The following DDX60 variants were observed in gnomAD, a reference collection of about 807,000 sequenced individuals.
The protein encoded by DDX60 is DExD/H-box helicase 60.
A neutral mutation model predicts 212.8 loss-of-function variants in DDX60; 165 were observed. The observed-to-expected ratio is 0.78, with a 90% confidence interval of 0.68 to 0.88. DDX60 has a LOEUF of 0.88. Among genes scored for constraint, DDX60 ranks in the 40% least tolerant of loss-of-function variants. DDX60 has a pLI of 0.00. For synonymous variants in DDX60, 703 were observed against 685.3 expected, an observed-to-expected ratio of 1.03 and a Z score of -0.40; for missense variants, 1,905 against 2,003.9, an observed-to-expected ratio of 0.95 and a Z score of 0.94.
In DDX60 at chr4:168,262,052, T is replaced by C; in HGVS notation, c.3221A>G (p.Glu1074Gly). The change falls in exon 24 of 38, where the codon GAG becomes GGG. Residue 1074 changes from glutamate to glycine, a missense_variant. Physicochemically the swap from Glu to Gly is moderately conservative, Grantham distance 98. Transcript: ENST00000393743. ...IKKMDARKYE[E>G]SLKAELTSWI... ...ACTTGTTAATTCTGCCTTTAGACTC[T>C]CTTCATATTTCCTAGCATCCATCTT... 6.2e-7 allele frequency: 1 copy of C among 1,603,492 alleles called. No individual in the cohort carries two copies. Among genetic ancestry groups the C allele is most frequent in the South Asian group, 1.1e-5 (1 of 88,032 alleles).
At chr4:168,292,523 A>C (rs1030150878) in intron 7 of DDX60, among the ~76,000 whole-genome samples, 1 of 152,214 alleles carries the variant, frequency 6.6e-6, no homozygotes, top group Admixed American at 6.5e-5. Flanking sequence ...GAGCTGATCG[A>C]GCAACTAATA....
intron 19 of DDX60, 32 bp downstream of exon 19, chr4:168,272,011 G>A (rs1450051337): frequency 6.8e-7 from 1 of 1,471,896 alleles, no homozygotes; most frequent in South Asian, 1.2e-5. Context: ...TGTGCACTAG[G>A]GAATTAAGCA....
rs778036194 is a variant in DDX60, at chr4:168,260,864, CA to C, written c.3398del (p.Leu1133TyrfsTer4). On this transcript the variant is annotated frameshift_variant and splice_region_variant, in exon 25 of 38. Coordinates refer to ENST00000393743, the MANE Select transcript of DDX60 (RefSeq NM_017631.6). LOFTEE classifies it high-confidence loss of function. ...KMEKLPALFF[L>X]FKLGAVENAA... The stretch of plus-strand genomic sequence containing the variant: ...AAACCAAATTAAATTAAATAACTTA[CA>C]AAAAAAATAGTGCAGGTAACTTCTC... 113 of 1,592,802 alleles carry C rather than the reference CA, an allele frequency of 7.1e-5. No homozygotes were observed. The highest frequency in any genetic ancestry group is 1.1e-4 in the South Asian group (10 of 88,820).
chr4:168,311,544 T>C (rs1275942985), intron 1 of DDX60, among the ~76,000 whole-genome samples, 179 bp from the exon 2 acceptor site: 2 of 152,106 alleles, frequency 1.3e-5, no homozygotes, highest in African/African-American at 2.4e-5. Flanking sequence ...CAATGGAACA[T>C]TGCAAAAACG....
intron 30 of DDX60, among the ~76,000 whole-genome samples, chr4:168,245,689 C>CA (rs1283249181): frequency 6.6e-6 from 1 of 152,010 alleles, no homozygotes; most frequent in Admixed American, 6.6e-5. Context: ...AATCACTATA[C>CA]AAAAACAGAA....
chr4:168,217,708 G>A (rs1732898532), intron 37 of DDX60, among the ~76,000 whole-genome samples: 1 of 152,136 alleles, frequency 6.6e-6, no homozygotes, highest in Admixed American at 6.6e-5. Context: ...AGGCAGGAGA[G>A]AGTCAGAATG....
chr4:168,316,297 A>T (rs1174737398), intron 1 of DDX60, among the ~76,000 whole-genome samples: 1 of 152,186 alleles, frequency 6.6e-6, no homozygotes, highest in Non-Finnish European at 1.5e-5. Context: ...TAATTTTGTC[A>T]CTGCTGTTTA....
chr4:168,263,768 C>G (rs980003702), intron 22 of DDX60: 4 of 152,122 alleles, frequency 2.6e-5, no homozygotes, highest in Non-Finnish European at 5.9e-5. Flanking sequence ...GACTTCCCAG[C>G]CTCCAGAATT....
chr4:168,315,244 A>C (rs1394496389), intron 1 of DDX60, among the ~76,000 whole-genome samples: 1 of 152,252 alleles, frequency 6.6e-6, no homozygotes, highest in Non-Finnish European at 1.5e-5. Context: ...ACACAGAATT[A>C]ATTAAAATAA....
At position 168,283,473 on chromosome 4, in the gene DDX60, A is replaced by G. The variant is rs199933852; in HGVS notation, c.1695T>C (p.Phe565=). 6.2e-6 allele frequency: 10 copies of G among 1,613,474 alleles called. No individual in the cohort carries two copies. The East Asian group carries it at 2.2e-4, about 36-fold the overall frequency. Residue 565 remains phenylalanine, a synonymous_variant, in exon 13 of 38, where the codon TTT becomes TTC. Transcript: ENST00000393743. ...VTQTIKSKKD[F]SGPKSKKAHE... is the part of the protein sequence containing the mutation. The stretch of plus-strand genomic sequence containing the variant: ...GTGCCTTTTTGCTCTTGGGCCCACT[A>G]AAATCCTTCTTTGACTTAATAGTTT...
chr4:168,258,861 C>T (rs116401227), intron 25 of DDX60, among the ~76,000 whole-genome samples: 2,578 of 152,190 alleles, frequency 0.017, 58 homozygotes, highest in African/African-American at 0.057. Flanking sequence ...AATATGTTTT[C>T]ATACCCGAAG....
At chr4:168,274,143 G>A in intron 16 of DDX60, 60 bp from the exon 17 acceptor site, 1 of 1,601,338 alleles carries the variant, frequency 6.2e-7, no homozygotes, top group Non-Finnish European at 8.5e-7. Context: ...CCAAAACAAA[G>A]ACAGTATTTA....
intron 32 of DDX60, 44 bp downstream of exon 32, chr4:168,237,242 T>G: frequency 7.7e-7 from 1 of 1,304,900 alleles, no homozygotes; most frequent in Non-Finnish European, 9.9e-7. Context: ...TGTTGCTATT[T>G]TTGGACTCTC....
rs1441120504 is a variant in DDX60 at position 168,216,955 on chromosome 4, C to G, written c.5117G>C (p.Trp1706Ser). The G allele has an allele frequency of 6.3e-7, 1 of 1,599,026 alleles. No individual in the cohort carries two copies. Among genetic ancestry groups the G allele is most frequent in the Admixed American group, 1.8e-5 (1 of 56,518 alleles). ...LAFEQLSTTF[W>S]EKLNKV ...TTTTTAGACTTTGTTTAACTTTTCC[C>G]AAAAAGTTGTACTCAGTTGTTCAAA... The change falls in exon 38 of 38, where the codon TGG (tryptophan) becomes TCG (serine). Residue 1706 changes from tryptophan (W) to serine (S), a missense_variant. By Grantham distance (177) the Trp-to-Ser change is radical (BLOSUM62 -3). Coordinates refer to ENST00000393743, the MANE Select transcript of DDX60 (RefSeq NM_017631.6).
intron 12 of DDX60, among the ~76,000 whole-genome samples, chr4:168,283,963 C>T (rs978728450): frequency 1.4e-4 from 22 of 152,112 alleles, no homozygotes; most frequent in African/African-American, 5.3e-4. Flanking sequence ...TCTTGTATCA[C>T]TGGATAGAAA....
At position 168,225,536 on chromosome 4, in the gene DDX60, T is replaced by C; in HGVS notation, c.4674A>G (p.Ser1558=). Residue 1558 remains serine (S), a synonymous_variant, in exon 34 of 38, where the codon TCA becomes TCG. Coordinates refer to ENST00000393743, the MANE Select transcript of DDX60 (RefSeq NM_017631.6). ...DMNQEYQLPL[S]KIKFTGKECE... is the part of the protein sequence containing the mutation. ...GAGGTAAAATATACTTACTGATTTTTGACAATGGGAGTTGATATTCCTGAT... is the reference window on the plus strand; with the variant it reads ...GAGGTAAAATATACTTACTGATTTTCGACAATGGGAGTTGATATTCCTGAT... 6.2e-7 allele frequency: 1 copy of C among 1,604,218 alleles called. No homozygotes were observed. The highest frequency in any genetic ancestry group is 8.5e-7 in the Non-Finnish European group (1 of 1,176,920).
chr4:168,272,467 A>T (rs1735144815), intron 18 of DDX60, among the ~76,000 whole-genome samples: 1 of 152,224 alleles, frequency 6.6e-6, no homozygotes, highest in Non-Finnish European at 1.5e-5. Context: ...TAGAGTTTAG[A>T]TTGAAAGATG....
At chr4:168,259,739 G>A (rs961946142) in intron 25 of DDX60, among the ~76,000 whole-genome samples, 3 of 150,268 alleles carry the variant, frequency 2.0e-5, no homozygotes, top group Non-Finnish European at 4.4e-5. Context: ...GATGTCCAAC[G>A]AAATTGCACT....
chr4:168,290,398 G>A (rs1184178989), intron 8 of DDX60, among the ~76,000 whole-genome samples: 4 of 148,650 alleles, frequency 2.7e-5, no homozygotes, highest in Non-Finnish European at 5.9e-5. Flanking sequence ...GTGCGATCTC[G>A]GCTCACTGCA....
Sources: allele counts gnomAD v4.1 joint callset (sites outside exome capture counted in the v4.1 genomes callset), GRCh38; gene constraint gnomAD v4.1.1; transcripts MANE v1.5; gene names NCBI Gene and HGNC (gene_info 2026-07-23, HGNC 2026-07-21).